Variants in CAPN13 observed in about 807,000 individuals in gnomAD.
CAPN13 encodes the protein calpain 13, also known as calpain-13.
In CAPN13, 90 loss-of-function variants were observed where a neutral mutation model predicts 98.4. The observed-to-expected ratio is 0.92, with a 90% CI of 0.77 to 1.09. The LOEUF (loss-of-function observed/expected upper bound fraction) is 1.09, where lower values mean the gene tolerates loss of function less well. Ranked by LOEUF, CAPN13 falls within the 50% of genes least tolerant of loss-of-function variation. CAPN13 has a pLI of 0.00. For synonymous variants in CAPN13, 330 were observed against 305.5 expected, an observed-to-expected ratio of 1.08 and a Z score of -0.84; for missense variants, 887 against 841.3, an observed-to-expected ratio of 1.05 and a Z score of -0.67.
At chr2:30,731,538 TCACCCATC>T in intron 20 of CAPN13, 139 bp from the exon 21 acceptor site, 1 of 661,236 alleles carries the variant, frequency 1.5e-6, no homozygotes, top group South Asian at 2.2e-5. Context: ...GGTGTGCCTG[TCACCCATC>T]CTTTTCTCTG....
chr2:30,723,500 A>G (rs1436535601), intron 22 of CAPN13, among the ~76,000 whole-genome samples: 2 of 152,078 alleles, frequency 1.3e-5, no homozygotes, highest in African/African-American at 2.4e-5. Context: ...TTGAGTTCAT[A>G]TCATAGCCCA....
chr2:30,762,534 T>C (rs761449896), intron 7 of CAPN13, among the ~76,000 whole-genome samples: 3 of 152,160 alleles, frequency 2.0e-5, no homozygotes, highest in Non-Finnish European at 2.9e-5. Flanking sequence ...TCCTGGCCTC[T>C]TTCTCTCCCC....
At chr2:30,737,817 C>A (rs1671450362) in intron 17 of CAPN13, 1 of 210,004 alleles carries the variant, frequency 4.8e-6, no homozygotes, top group Non-Finnish European at 9.9e-6. Context: ...ACTTTGGAGG[C>A]TGAAAGCTCC....
intron 1 of CAPN13, among the ~76,000 whole-genome samples, chr2:30,805,238 T>G (rs1429147825): frequency 6.6e-6 from 1 of 152,190 alleles, no homozygotes; most frequent in Non-Finnish European, 1.5e-5. Context: ...CTACCCTTGC[T>G]CGGATAGACT....
intron 4 of CAPN13, among the ~76,000 whole-genome samples, chr2:30,772,466 G>C (rs1673460621): frequency 6.6e-6 from 1 of 152,204 alleles, no homozygotes; most frequent in Non-Finnish European, 1.5e-5. Context: ...AAAGGGCAAA[G>C]CGAGTCCTGC....
chr2:30,740,103 T>G lies in CAPN13; in HGVS notation c.1537-1646A>C, dbSNP rs77436637. 1.5e-3 allele frequency among the ~76,000 whole-genome samples: 177 copies of G among 120,774 alleles called. 2 individuals are homozygous for G. The highest frequency in any genetic ancestry group is 4.9e-3 in the African/African-American group (169 of 34,654). 79.2% of individuals were successfully genotyped at this position (120,774 alleles called of 152,430 possible). On this transcript the variant is annotated intron_variant, in intron 15 of 22. Coordinates refer to ENST00000295055, the MANE Select transcript of CAPN13 (RefSeq NM_144575.3). Reference sequence around the variant, plus strand: ...TTAGGTTTTTTTTTTTTTTTTTTTTTTTTTTTTTTGAGATGGAGTCTTGCT... The same window carrying G: ...TTAGGTTTTTTTTTTTTTTTTTTTTGTTTTTTTTTGAGATGGAGTCTTGCT...
At chr2:30,748,082 G>C (rs796239809) in intron 11 of CAPN13, among the ~76,000 whole-genome samples, 8 of 152,244 alleles carry the variant, frequency 5.3e-5, no homozygotes, top group Admixed American at 1.3e-4. Context: ...CAGAAGTTGC[G>C]TGTGTGCCGG....
At chr2:30,741,474 CTGTG>C in intron 15 of CAPN13, 1 of 1,011,044 alleles carries the variant, frequency 9.9e-7, no homozygotes, top group South Asian at 4.3e-5. Context: ...TAAGGAAATC[CTGTG>C]TGCACATAGG....
At chr2:30,760,433 G>A (rs1672785349) in intron 7 of CAPN13, among the ~76,000 whole-genome samples, 1 of 151,976 alleles carries the variant, frequency 6.6e-6, no homozygotes, top group African/African-American at 2.4e-5. Context: ...AGGGGCTCCA[G>A]TGGGCATGGT....
At chr2:30,762,605 G>A (rs1471150088) in intron 7 of CAPN13, among the ~76,000 whole-genome samples, 2 of 152,182 alleles carry the variant, frequency 1.3e-5, no homozygotes, top group African/African-American at 2.4e-5. Context: ...GCTCCATGTC[G>A]AGGATGGCAG....
rs558172065 is a variant in CAPN13, at chr2:30,758,120, G to T, written c.792C>A (p.Gly264=). The change falls in exon 8 of 23, where the codon GGC becomes GGA. Residue 264 remains glycine (G), a synonymous_variant. Transcript: ENST00000295055. ...TGAEQIQYRR[G]WEEIISLWNP... ...TCCACAGGGAGATAATTTCTTCCCAGCCCCTTCGGTATTGAATCTGTAAAG... is the reference window on the plus strand; with the variant it reads ...TCCACAGGGAGATAATTTCTTCCCATCCCCTTCGGTATTGAATCTGTAAAG... The T allele has an allele frequency of 3.0e-5, 48 of 1,605,052 alleles. No individual in the cohort carries two copies. The South Asian group carries it at 5.2e-4, about 17-fold the overall frequency.
chr2:30,729,797 G>A (rs532960523), intron 22 of CAPN13: 2 of 152,142 alleles, frequency 1.3e-5, no homozygotes, highest in Non-Finnish European at 2.9e-5. Context: ...AAACAATCGA[G>A]TTTTAGGTGA....
intron 2 of CAPN13, among the ~76,000 whole-genome samples, chr2:30,781,060 T>C (rs1417418914): frequency 6.6e-6 from 1 of 152,228 alleles, no homozygotes; most frequent in Non-Finnish European, 1.5e-5. Context: ...ACAGGGAGAC[T>C]GCTGTGTCCC....
intron 1 of CAPN13, among the ~76,000 whole-genome samples, chr2:30,800,567 T>C (rs559497296): frequency 2.8e-4 from 43 of 152,320 alleles, no homozygotes; most frequent in African/African-American, 9.9e-4. Context: ...AGCCTCGGTC[T>C]CCCCACTTGG....
chr2:30,738,201 C>T (rs777223976), intron 17 of CAPN13, 34 bp downstream of exon 17: 1 of 1,613,118 alleles, frequency 6.2e-7, no homozygotes, highest in Non-Finnish European at 8.5e-7. Flanking sequence ...CTGAGGGGTG[C>T]TCAGAGCATG....
chr2:30,731,235 G>T, intron 21 of CAPN13, 109 bp downstream of exon 21: 1 of 967,638 alleles, frequency 1.0e-6, no homozygotes, highest in African/African-American at 1.7e-5. Context: ...AGCTTGGCTG[G>T]CCTTTGACAG....
intron 1 of CAPN13, among the ~76,000 whole-genome samples, chr2:30,789,643 G>C (rs1674502697): frequency 6.6e-6 from 1 of 152,210 alleles, no homozygotes; most frequent in African/African-American, 2.4e-5. Flanking sequence ...TTGTGAAATG[G>C]AGATGATGAT....
At chr2:30,750,007 G>GT in intron 11 of CAPN13, among the ~76,000 whole-genome samples, 1 of 152,194 alleles carries the variant, frequency 6.6e-6, no homozygotes, top group East Asian at 1.9e-4. Context: ...ACACAGGCAT[G>GT]TGACTGTGCA....
chr2:30,730,762 A>G lies in CAPN13; in HGVS notation c.2008T>C (p.Ter670ArgextTer35). The G allele has an allele frequency of 1.3e-6, 1 of 780,896 alleles. No homozygotes were observed. The highest frequency in any genetic ancestry group is 2.4e-6 in the Non-Finnish European group (1 of 417,990). The allele number at this position is 780,896 out of a possible 1,614,324, so 48.4% of individuals were successfully genotyped here. A position where few individuals can be genotyped will look rare whatever the true frequency, so the allele number is the denominator to read the frequency against. ...ATGGGTCTGCTTTCCTCTTTGCTTC[A>G]GTTGTACATGACCAGGCTCATCCAC... ...MEWMSLVMYN[*>R] Residue 670 changes from the stop codon to arginine (R), a stop_lost, in exon 22 of 23, where the codon TGA (stop) becomes CGA (arginine). Coordinates refer to ENST00000295055, the MANE Select transcript of CAPN13 (RefSeq NM_144575.3).
Sources: allele counts gnomAD v4.1 joint callset (sites outside exome capture counted in the v4.1 genomes callset), GRCh38; gene constraint gnomAD v4.1.1; transcripts MANE v1.5; gene names NCBI Gene and HGNC (gene_info 2026-07-23, HGNC 2026-07-21).